Variants in STAT2 observed in about 807,000 individuals in gnomAD.
The protein encoded by STAT2 is interferon alpha induced transcriptional activator.
Under a neutral mutation model 122.3 loss-of-function variants are expected in STAT2, and 51 were observed. The ratio of observed to expected loss-of-function variants is 0.42; its 90% CI spans 0.33 to 0.53. STAT2 has a LOEUF of 0.53. STAT2 is among the 20% of genes least tolerant of loss of function. STAT2 has a pLI of 0.10. For synonymous variants in STAT2, 351 were observed against 394.9 expected, an observed-to-expected ratio of 0.89 and a Z score of 1.32; for missense variants, 736 against 1,010.3, an observed-to-expected ratio of 0.73 and a Z score of 3.68.
rs1370864798 is a variant in STAT2, at chr12:56,349,023, AG to A, written c.1476del (p.Trp493GlyfsTer25). 3.1e-6 allele frequency: 5 copies of A among 1,613,634 alleles called. No homozygotes were observed. The African/African-American group carries it at 5.3e-5, about 17-fold the overall frequency. On this transcript the variant is annotated frameshift_variant, in exon 17 of 24. Transcript: ENST00000314128. LOFTEE classifies it high-confidence loss of function. ...CTGAGAGCAGGGCCCAGCAAGCTCC[AG>A]GGGGCCTTGGGGGGGTTGGAGAAGA... is the stretch of plus-strand genomic sequence containing the variant. ...QQFFSNPPKA[P>X]WSLLGPALSW...
intron 12 of STAT2, 42 bp downstream of exon 12, chr12:56,350,370 T>A (rs776386218): frequency 3.8e-6 from 6 of 1,579,284 alleles, no homozygotes; most frequent in Non-Finnish European, 5.2e-6. Flanking sequence ...CTGCAGGTCA[T>A]ACACTGTACA....
Position 56,354,453 on chromosome 12 carries a change from T to C in STAT2, c.782+13A>G, listed in dbSNP as rs781114695. 6.2e-7 allele frequency: 1 copy of C among 1,613,772 alleles called. No homozygotes were observed. Among genetic ancestry groups the C allele is most frequent in the African/African-American group, 1.3e-5 (1 of 74,862 alleles). ...CGCATGGCGAGGACGAGGGTTGGGG[T>C]GGTACCTCTCACCATGTCTCCAGCT... On this transcript the variant is annotated intron_variant, in intron 8 of 23. Transcript: ENST00000314128.
intron 22 of STAT2, among the ~76,000 whole-genome samples, chr12:56,345,905 G>C (rs942743449): frequency 6.6e-6 from 1 of 151,976 alleles, no homozygotes. Context: ...AGAAAAATAT[G>C]AGATAGGAGA....
chr12:56,344,326 C>A (rs1273957468), intron 22 of STAT2, among the ~76,000 whole-genome samples, 191 bp from the exon 23 acceptor site: 1 of 152,156 alleles, frequency 6.6e-6, no homozygotes, highest in African/African-American at 2.4e-5. Context: ...CTTTTCTGAG[C>A]CTCAGATTTA....
At chr12:56,347,892 T>C (rs1345309110) in intron 19 of STAT2, among the ~76,000 whole-genome samples, 1 of 152,104 alleles carries the variant, frequency 6.6e-6, no homozygotes, top group Non-Finnish European at 1.5e-5. Flanking sequence ...AGGCCTGGAT[T>C]TGAATATCAA....
At chr12:56,349,745 C>A in intron 13 of STAT2, 109 bp from the exon 14 acceptor site, 1 of 1,442,112 alleles carries the variant, frequency 6.9e-7, no homozygotes, top group South Asian at 1.2e-5. Context: ...CCCCCAACCC[C>A]TGTTCCTTTG....
chr12:56,349,304 T>C (rs779415327), intron 15 of STAT2, 43 bp from the exon 16 acceptor site: 2 of 1,614,138 alleles, frequency 1.2e-6, no homozygotes, highest in Admixed American at 3.3e-5. Context: ...GTGATGTTTC[T>C]AGCTGCAGGT....
intron 22 of STAT2, among the ~76,000 whole-genome samples, chr12:56,344,613 G>A (rs1206013225): frequency 6.6e-5 from 10 of 152,328 alleles, no homozygotes; most frequent in Non-Finnish European, 1.5e-4. Context: ...GCTCACACCT[G>A]TAATCCAAGC....
Position 56,348,928 on chromosome 12 carries a change from C to A in STAT2, c.1572G>T (p.Leu524=). The A allele has an allele frequency of 6.2e-7, 1 of 1,613,290 alleles. No individual in the cohort carries two copies. The highest frequency in any genetic ancestry group is 8.5e-7 in the Non-Finnish European group (1 of 1,179,566). Residue 524 remains leucine (L), a synonymous_variant, in exon 17 of 24, where the codon CTG becomes CTT. Coordinates refer to ENST00000314128, the MANE Select transcript of STAT2 (RefSeq NM_005419.4). ...SDQLSMLRNK[L]FGQNCRTEDP... ...GAGAGAAAAGGAAATCTGTACCGAA[C>A]AGCTTGTTTCTCAGCATGCTCAGCT...
Position 56,349,445 on chromosome 12 carries a change from C to T in STAT2, c.1322G>A (p.Gly441Asp). Residue 441 changes from glycine (G) to aspartate (D), a missense_variant, in exon 15 of 24, where the codon GGT becomes GAT. Gly to Asp is a moderately conservative substitution (Grantham distance 94, BLOSUM62 -1). Coordinates refer to ENST00000314128, the MANE Select transcript of STAT2 (RefSeq NM_005419.4). ...ISFTVKYTYQ[G>D]LKQELKTDTL... ...ACTCACTTTCAGCTCCTGCTTCAGA[C>T]CCTGGTAGGTATATTTGACCGTGAA... 6.2e-7 allele frequency: 1 copy of T among 1,614,212 alleles called. No homozygotes were observed. Among genetic ancestry groups the T allele is most frequent in the African/African-American group, 1.3e-5 (1 of 75,044 alleles).
intron 1 of STAT2, among the ~76,000 whole-genome samples, chr12:56,359,201 T>C (rs1879990261): frequency 1.3e-5 from 2 of 152,196 alleles, no homozygotes; most frequent in South Asian, 4.1e-4. Context: ...GGGGCTATTT[T>C]CATTTTAACT....
chr12:56,344,259 G>A (rs894504683), intron 22 of STAT2, 124 bp from the exon 23 acceptor site: 3 of 1,351,242 alleles, frequency 2.2e-6, no homozygotes, highest in Non-Finnish European at 2.9e-6. Context: ...CATGGGTTTG[G>A]AATCAGGCCT....
chr12:56,353,355 AC>A (rs61079462), intron 8 of STAT2, among the ~76,000 whole-genome samples: 7,043 of 152,016 alleles, frequency 0.046, 565 homozygotes, highest in African/African-American at 0.16. Context: ...CTGGTCTCAA[AC>A]CCCAAGACTG....
intron 19 of STAT2, among the ~76,000 whole-genome samples, chr12:56,348,122 T>C (rs1301058840): frequency 7.0e-6 from 1 of 143,378 alleles, no homozygotes; most frequent in African/African-American, 2.6e-5. Context: ...GGAGTCTTGC[T>C]CGTCACCCAG....
chr12:56,350,642 A>G (rs1025571233), intron 11 of STAT2, among the ~76,000 whole-genome samples, 187 bp downstream of exon 11: 1 of 152,216 alleles, frequency 6.6e-6, no homozygotes, highest in Admixed American at 6.5e-5. Context: ...TGGTGTGACA[A>G]TTAAATGAGT....
At chr12:56,353,014 C>T (rs539056077) in intron 8 of STAT2, among the ~76,000 whole-genome samples, 4 of 150,344 alleles carry the variant, frequency 2.7e-5, no homozygotes, top group South Asian at 4.2e-4. Flanking sequence ...GACGGAGTCT[C>T]GCTCTGTCAC....
At chr12:56,359,075 T>C (rs1258133651) in intron 1 of STAT2, among the ~76,000 whole-genome samples, 1 of 152,162 alleles carries the variant, frequency 6.6e-6, no homozygotes, top group African/African-American at 2.4e-5. Context: ...AAAGGTCACA[T>C]GATTTTATTA....
chr12:56,353,815 G>A (rs1878932437), intron 8 of STAT2, among the ~76,000 whole-genome samples: 1 of 150,272 alleles, frequency 6.7e-6, no homozygotes, highest in Admixed American at 6.7e-5. Context: ...CCAACATGGA[G>A]AAACATCGTC....
At chr12:56,351,062 GA>G in intron 10 of STAT2, 35 bp downstream of exon 10, 2 of 1,606,658 alleles carry the variant, frequency 1.2e-6, no homozygotes, top group Non-Finnish European at 1.7e-6. Context: ...GGCAGGGTTG[GA>G]AAAAGGAAGT....
Sources: gnomAD v4.1 joint callset for allele counts (sites outside exome capture counted in the v4.1 genomes callset) on GRCh38, gnomAD v4.1.1 for gene constraint, MANE v1.5 for transcripts, NCBI Gene and HGNC (gene_info 2026-07-23, HGNC 2026-07-21) for gene names.